The following DISP1 variants were observed in gnomAD, a reference collection of about 807,000 sequenced individuals.
DISP1 encodes dispatched RND transporter family member 1.
A neutral mutation model predicts 37.3 loss-of-function variants in DISP1; 30 were observed. The observed-to-expected ratio is 0.80, with a 90% CI of 0.60 to 1.09. DISP1 has a LOEUF of 1.09. DISP1 is among the 50% of genes least tolerant of loss of function. The pLI is 0.00. For synonymous variants in DISP1, 634 were observed against 690.2 expected (o/e 0.92, Z 1.28); for missense variants, 1,598 against 1,879.5 (o/e 0.85, Z 2.77).
rs374203038 is a variant in DISP1, at chr1:223,002,837, C to T, written c.1440C>T (p.Gly480=). 2.1e-4 allele frequency: 343 copies of T among 1,613,926 alleles called. 5 individuals are homozygous for T. The South Asian group carries it at 2.7e-3, about 13-fold the overall frequency. ...DNFENWNSSD[G]VTTITGIEFG... Reference sequence around the variant, plus strand: ...TTGAAAACTGGAACTCTTCTGACGGCGTGACTACCATCACCGGGATTGAGT... The same window carrying T: ...TTGAAAACTGGAACTCTTCTGACGGTGTGACTACCATCACCGGGATTGAGT... Residue 480 remains glycine (G), a synonymous_variant, in exon 9 of 9, where the codon GGC becomes GGT. Coordinates refer to ENST00000675850, the MANE Select transcript of DISP1 (RefSeq NM_001377229.1).
At chr1:222,839,791 G>C (rs1667476053) in intron 1 of DISP1, among the ~76,000 whole-genome samples, 1 of 151,918 alleles carries the variant, frequency 6.6e-6, no homozygotes, top group African/African-American at 2.4e-5. Flanking sequence ...AAATTAGCTG[G>C]GCATGGTGGC....
At chr1:222,991,962 C>A in intron 6 of DISP1, 51 bp from the exon 7 acceptor site, 1 of 1,430,264 alleles carries the variant, frequency 7.0e-7, no homozygotes, top group Non-Finnish European at 9.8e-7. Flanking sequence ...TGCTTATCAG[C>A]TTTGAAATAA....
chr1:222,821,811 G>A (rs1000252623), intron 1 of DISP1, among the ~76,000 whole-genome samples: 34 of 151,064 alleles, frequency 2.3e-4, no homozygotes, highest in African/African-American at 7.8e-4. Context: ...CTTGGGAGGC[G>A]GAGCCTGCAG....
chr1:222,870,005 G>A (rs1005732630), intron 1 of DISP1, among the ~76,000 whole-genome samples: 3 of 149,358 alleles, frequency 2.0e-5, no homozygotes, highest in Non-Finnish European at 4.4e-5. Context: ...TGTTCTCATT[G>A]TTCAATTCCC....
chr1:222,996,224 T>G (rs1679060383), intron 8 of DISP1, among the ~76,000 whole-genome samples: 1 of 152,230 alleles, frequency 6.6e-6, no homozygotes, highest in Non-Finnish European at 1.5e-5. Flanking sequence ...AGTTCCTTAT[T>G]TGAAGGCTAT....
intron 3 of DISP1, among the ~76,000 whole-genome samples, chr1:222,944,626 G>A (rs1458134753): frequency 6.6e-6 from 1 of 152,138 alleles, no homozygotes; most frequent in Admixed American, 6.5e-5. Flanking sequence ...GTTCCTTCAT[G>A]CCCTTTCTCA....
chr1:222,886,620 C>T (rs554901903), intron 1 of DISP1, among the ~76,000 whole-genome samples: 1 of 152,310 alleles, frequency 6.6e-6, no homozygotes, highest in East Asian at 1.9e-4. Context: ...CATAGATTAA[C>T]CCTGTCAATT....
chr1:222,843,864 C>T (rs1239986025), intron 1 of DISP1, among the ~76,000 whole-genome samples: 1 of 152,076 alleles, frequency 6.6e-6, no homozygotes, highest in African/African-American at 2.4e-5. Context: ...TTAAAAGACG[C>T]AAAAGCCCCA....
At chr1:222,826,218 T>C (rs1293024222) in intron 1 of DISP1, among the ~76,000 whole-genome samples, 1 of 152,138 alleles carries the variant, frequency 6.6e-6, no homozygotes, top group East Asian at 1.9e-4. Flanking sequence ...TTTTTCTTCT[T>C]ACTGTAGTTG....
intron 2 of DISP1, among the ~76,000 whole-genome samples, chr1:222,929,694 C>G (rs77841164): frequency 1.3e-5 from 2 of 151,956 alleles, no homozygotes; most frequent in African/African-American, 4.8e-5. Context: ...TTTTCTGCTT[C>G]CCATGGTTTT....
At chr1:222,864,278 A>C (rs995942379) in intron 1 of DISP1, among the ~76,000 whole-genome samples, 1 of 152,280 alleles carries the variant, frequency 6.6e-6, no homozygotes, top group East Asian at 1.9e-4. Flanking sequence ...TAAGTAACTT[A>C]TATTTGTTTT....
intron 2 of DISP1, among the ~76,000 whole-genome samples, chr1:222,938,309 G>A (rs987447701): frequency 3.9e-5 from 6 of 151,970 alleles, no homozygotes; most frequent in Non-Finnish European, 7.4e-5. Flanking sequence ...CAAATGTAAG[G>A]GTATTAAGAC....
At position 223,005,364 on chromosome 1, in the gene DISP1, G is replaced by C; in HGVS notation, c.3967G>C (p.Glu1323Gln). The change falls in exon 9 of 9, where the codon GAG becomes CAG. Residue 1323 changes from glutamate (E) to glutamine (Q), a missense_variant. Transcript: ENST00000675850. The stretch of plus-strand genomic sequence containing the variant: ...TCTGAAGGCCACACACCAAGCTGTC[G>C]AGGGCTTTGTGCACCCCATCACGCA... ...APLKATHQAV[E>Q]GFVHPITHIH... 3 of 1,613,448 alleles carry C rather than the reference G, an allele frequency of 1.9e-6. No homozygotes were observed. The highest frequency in any genetic ancestry group is 2.5e-6 in the Non-Finnish European group (3 of 1,180,022).
chr1:222,889,136 T>C (rs1313796365), intron 1 of DISP1, among the ~76,000 whole-genome samples: 1 of 152,106 alleles, frequency 6.6e-6, no homozygotes, highest in Non-Finnish European at 1.5e-5. Flanking sequence ...TGGAGTATAT[T>C]TTATATTTTT....
chr1:222,860,872 C>CA (rs980377784), intron 1 of DISP1, among the ~76,000 whole-genome samples: 7 of 149,610 alleles, frequency 4.7e-5, no homozygotes, highest in African/African-American at 7.4e-5. Flanking sequence ...GACTTTGTCT[C>CA]AAAAAAAACA....
chr1:222,945,262 A>G (rs917082952), intron 3 of DISP1, among the ~76,000 whole-genome samples: 4 of 152,204 alleles, frequency 2.6e-5, no homozygotes, highest in Non-Finnish European at 5.9e-5. Flanking sequence ...ATTATAGGCT[A>G]TGATAAGAAG....
At chr1:222,987,234 C>T (rs1047662047) in intron 4 of DISP1, among the ~76,000 whole-genome samples, 2 of 152,202 alleles carry the variant, frequency 1.3e-5, no homozygotes, top group Non-Finnish European at 2.9e-5. Context: ...CACAGCTATA[C>T]TATATATTTG....
At chr1:222,932,274 A>C (rs773263851) in intron 2 of DISP1, among the ~76,000 whole-genome samples, 26 of 151,922 alleles carry the variant, frequency 1.7e-4, no homozygotes, top group Non-Finnish European at 3.2e-4. Context: ...TCACTACAAT[A>C]TGAATTAAAT....
intron 3 of DISP1, chr1:222,979,739 T>C: frequency 2.2e-6 from 1 of 459,162 alleles, no homozygotes; most frequent in South Asian, 1.6e-5. Flanking sequence ...GGCCCTGCAC[T>C]CCGTCCCTCT....
Sources: gnomAD v4.1 joint callset for allele counts (sites outside exome capture counted in the v4.1 genomes callset) on GRCh38, gnomAD v4.1.1 for gene constraint, MANE v1.5 for transcripts, NCBI Gene and HGNC (gene_info 2026-07-23, HGNC 2026-07-21) for gene names.